Variants in ZNF710 observed in about 807,000 individuals in gnomAD.
ZNF710 encodes zinc finger protein 710.
A neutral mutation model predicts 50.6 loss-of-function variants in ZNF710; 13 were observed. The observed-to-expected ratio is 0.26, with a 90% confidence interval of 0.17 to 0.41. The LOEUF is 0.41. Ranked by LOEUF, ZNF710 falls within the 10% of genes least tolerant of loss-of-function variation. The pLI, the probability that ZNF710 is intolerant of heterozygous loss-of-function variation, is 1.00. For synonymous variants in ZNF710, 383 were observed against 397.0 expected, an observed-to-expected ratio of 0.96 and a Z score of 0.42; for missense variants, 721 against 936.6, an observed-to-expected ratio of 0.77 and a Z score of 3.01.
chr15:90,049,631 C>G (rs528498054), intron 1 of ZNF710, among the ~76,000 whole-genome samples: 1 of 152,178 alleles, frequency 6.6e-6, no homozygotes, highest in Non-Finnish European at 1.5e-5. Context: ...CTGCTCTGGG[C>G]TGAGCTGACC....
chr15:90,052,900 C>T (rs71405680), intron 1 of ZNF710, among the ~76,000 whole-genome samples: 1,817 of 152,090 alleles, frequency 0.012, 10 homozygotes, highest in Non-Finnish European at 0.018. Context: ...GCCACTGCAC[C>T]CCAGCCTGGG....
At chr15:90,060,620 G>A (rs1363684188) in intron 1 of ZNF710, among the ~76,000 whole-genome samples, 7 of 152,112 alleles carry the variant, frequency 4.6e-5, no homozygotes, top group Admixed American at 3.3e-4. Context: ...CTGGGAGGAC[G>A]AGGCAGGTGG....
intron 2 of ZNF710, among the ~76,000 whole-genome samples, chr15:90,071,860 G>T (rs1900401008): frequency 6.6e-6 from 1 of 152,000 alleles, no homozygotes; most frequent in Admixed American, 6.6e-5. Context: ...ATTTTTAGTA[G>T]AGATAGGGTT....
Position 90,034,640 on chromosome 15 carries a change from C to T in ZNF710, c.-28-32470C>T, listed in dbSNP as rs953816149. 6.6e-6 allele frequency among the ~76,000 whole-genome samples: 1 copy of T among 152,084 alleles called. No homozygotes were observed. Among genetic ancestry groups the T allele is most frequent in the Admixed American group, 6.6e-5 (1 of 15,262 alleles). On this transcript the variant is annotated intron_variant, in intron 1 of 4. Transcript: ENST00000268154. The surrounding 1 kb of genome is among the most constrained non-coding windows in gnomAD (Gnocchi z 4.0). ...CCTCCTCCGGCCTCTGCCTCACCCG[C>T]CAGCTCTTCTCACCCCTTCTGAGAG...
Position 90,069,622 on chromosome 15 carries a change from C to G in ZNF710, c.1458+1027C>G, listed in dbSNP as rs1279431026. On this transcript the variant is annotated intron_variant, in intron 2 of 4. Coordinates refer to ENST00000268154, the MANE Select transcript of ZNF710 (RefSeq NM_198526.4). ...TACAAAAGCAAATCAAAACCTGTGA[C>G]TTCCCTTTAAGAACAGGCTAAATAT... is the stretch of plus-strand genomic sequence containing the variant. 2.6e-5 allele frequency among the ~76,000 whole-genome samples: 4 copies of G among 152,264 alleles called. No individual in the cohort carries two copies. In the East Asian group the frequency reaches 5.8e-4, roughly 22 times the overall value.
chr15:90,024,029 A>G (rs1326629446), intron 1 of ZNF710, among the ~76,000 whole-genome samples: 2 of 151,288 alleles, frequency 1.3e-5, no homozygotes, highest in East Asian at 3.9e-4. Context: ...GTGGCAACCC[A>G]GAACACCCAG....
intron 1 of ZNF710, among the ~76,000 whole-genome samples, chr15:90,053,404 A>G (rs1448720955): frequency 6.6e-6 from 1 of 150,396 alleles, no homozygotes; most frequent in African/African-American, 2.5e-5. Context: ...GCTGGAGTAC[A>G]GTGGTGTGAT....
chr15:90,051,618 G>A (rs1262985160), intron 1 of ZNF710, among the ~76,000 whole-genome samples: 2 of 152,192 alleles, frequency 1.3e-5, no homozygotes, highest in East Asian at 3.8e-4. Flanking sequence ...TGGCGACAGA[G>A]TGAGACTTTG....
At chr15:90,050,715 T>C (rs12101723) in intron 1 of ZNF710, among the ~76,000 whole-genome samples, 71,684 of 151,914 alleles carry the variant, frequency 0.47, 20,760 homozygotes, top group African/African-American at 0.8. Context: ...CTGAGTTTAT[T>C]GCCTCCCAAA....
At chr15:90,066,495 T>TTTTTTTA (rs1900172771) in intron 1 of ZNF710, among the ~76,000 whole-genome samples, 1 of 142,616 alleles carries the variant, frequency 7.0e-6, no homozygotes, top group South Asian at 2.1e-4. Context: ...TTTTTTTTTT[T>TTTTTTTA]GAGACAGAGT....
rs961651275 is a variant in ZNF710, at chr15:90,014,798, G to A, written c.-29+13184G>A. Among the ~76,000 whole-genome samples, 8 of 151,924 alleles carry A rather than the reference G, an allele frequency of 5.3e-5. No homozygotes were observed. The East Asian group carries it at 1.5e-3, about 29-fold the overall frequency. ...TCTCCCAGTTCTCAAAATTGGGAAA[G>A]CATTTTTGCAACATATATCATGGAG... is the stretch of plus-strand genomic sequence containing the variant. On this transcript the variant is annotated intron_variant, in intron 1 of 4. Coordinates refer to ENST00000268154, the MANE Select transcript of ZNF710 (RefSeq NM_198526.4).
intron 3 of ZNF710, among the ~76,000 whole-genome samples, chr15:90,073,759 T>G (rs1900477813): frequency 6.6e-6 from 1 of 150,936 alleles, no homozygotes; most frequent in African/African-American, 2.4e-5. Flanking sequence ...GAGGCTGAGG[T>G]GGGTGGATCA....
intron 1 of ZNF710, chr15:90,045,351 A>G (rs1161909026): frequency 1.0e-6 from 1 of 985,462 alleles, no homozygotes; most frequent in African/African-American, 1.7e-5. Flanking sequence ...GGATGGCTTC[A>G]AGGACGTGAG....
chr15:90,001,720 C>A (rs1898016414), intron 1 of ZNF710, 106 bp downstream of exon 1: 2 of 141,822 alleles, frequency 1.4e-5, no homozygotes, highest in South Asian at 2.2e-4. Context: ...TCGCTGCGGC[C>A]GCGGCCGACC....
intron 1 of ZNF710, among the ~76,000 whole-genome samples, chr15:90,019,187 CTTTTTTTTTTTT>C (rs11285838): frequency 1.1e-5 from 1 of 89,358 alleles, no homozygotes; most frequent in African/African-American, 4.5e-5. Context: ...CTTTTTCTTT[CTTTTTTTTTTTT>C]TTTTTTTTTT....
chr15:90,074,579 T>A, intron 4 of ZNF710: 1 of 1,290,938 alleles, frequency 7.7e-7, no homozygotes. Context: ...ACTCATGTGA[T>A]CCTCAAAGCG....
rs768602146 is a variant in ZNF710, at chr15:90,068,258, C to T, written c.1121C>T (p.Ser374Leu). The T allele has an allele frequency of 5.0e-6, 8 of 1,613,214 alleles. No homozygotes were observed. In the South Asian group the frequency reaches 5.5e-5, roughly 11 times the overall value. ...SHLKRHMLLH[S>L]EVKPYSCHFC... is the part of the protein sequence containing the mutation. Reference sequence around the variant, plus strand: ...CTCAAGCGCCACATGCTGCTGCACTCGGAGGTCAAGCCCTACAGCTGCCAC... The same window carrying T: ...CTCAAGCGCCACATGCTGCTGCACTTGGAGGTCAAGCCCTACAGCTGCCAC... The change falls in exon 2 of 5, where the codon TCG becomes TTG. Residue 374 changes from serine to leucine, a missense_variant. Around this residue, in one of 3 missense-constraint regions of ZNF710, gnomAD observed 326 missense variants for 522.0 expected, o/e 0.62. Transcript: ENST00000268154. The surrounding 1 kb of genome is among the most constrained non-coding windows in gnomAD (Gnocchi z 5.0).
intron 1 of ZNF710, among the ~76,000 whole-genome samples, chr15:90,031,037 A>AAAG (rs1555456818): frequency 3.3e-5 from 5 of 151,216 alleles, no homozygotes; most frequent in African/African-American, 1.2e-4. Context: ...AGAAAAAAAA[A>AAAG]AAAATGCTTA....
Position 90,067,910 on chromosome 15 carries a change from C to A in ZNF710, c.773C>A (p.Thr258Lys). ...GAGGCCAGTGAGTTCGAGGCTGACACGGCGGGTTCGACCGTGGAACGCCAC... is the reference window on the plus strand; with the variant it reads ...GAGGCCAGTGAGTTCGAGGCTGACAAGGCGGGTTCGACCGTGGAACGCCAC... ...WQEASEFEAD[T>K]AGSTVERHKK... Residue 258 changes from threonine to lysine, a missense_variant, in exon 2 of 5, where the codon ACG becomes AAG. Transcript: ENST00000268154. The surrounding 1 kb of genome is among the most constrained non-coding windows in gnomAD (Gnocchi z 8.1). 6.2e-7 allele frequency: 1 copy of A among 1,609,040 alleles called. No homozygotes were observed. The highest frequency in any genetic ancestry group is 2.2e-5 in the East Asian group (1 of 44,886).
Sources: allele counts gnomAD v4.1 joint callset (sites outside exome capture counted in the v4.1 genomes callset), GRCh38; gene constraint gnomAD v4.1.1; regional missense constraint gnomAD v4.1.1; non-coding constraint Gnocchi (gnomAD v3.1); transcripts MANE v1.5; gene names NCBI Gene and HGNC (gene_info 2026-07-23, HGNC 2026-07-21).